The following PASD1 variants were observed in gnomAD, a reference collection of about 807,000 sequenced individuals.
The protein encoded by PASD1 is circadian clock protein PASD1.
PASD1 carries 13 observed loss-of-function variants against 58.8 expected under a neutral mutation model. That is an observed-to-expected ratio of 0.22 (90% CI 0.14 to 0.35). The LOEUF is 0.35. Among genes scored for constraint, PASD1 ranks in the 10% least tolerant of loss-of-function variants. PASD1 has a pLI of 1.00. For missense variants in PASD1, 734 were observed against 568.3 expected (o/e 1.29, Z -2.96); for synonymous variants, 236 against 216.7 (o/e 1.09, Z -0.78).
At chrX:151,663,174 C>T (rs2124310307) in intron 10 of PASD1, among the ~76,000 whole-genome samples, 1 of 111,909 alleles carries the variant, frequency 8.9e-6, no homozygotes, top group South Asian at 3.8e-4. Flanking sequence ...AGTTCCATCA[C>T]CCCCAAAATT....
chrX:151,648,800 G>A (rs2014095500), intron 9 of PASD1, 98 bp downstream of exon 9: 1 of 943,113 alleles, frequency 1.1e-6, no homozygotes, highest in Admixed American at 2.5e-5. Context: ...ATGTCATATG[G>A]ATGTGACACA....
At chrX:151,617,463 T>A (rs2013650897) in intron 4 of PASD1, among the ~76,000 whole-genome samples, 1 of 111,711 alleles carries the variant, frequency 9.0e-6, no homozygotes. Context: ...TCTTCATTTT[T>A]CAACTAATGA....
chrX:151,570,103 A>C (rs1320394972), intron 1 of PASD1, among the ~76,000 whole-genome samples: 1 of 111,626 alleles, frequency 9.0e-6, no homozygotes, highest in Non-Finnish European at 1.9e-5. Flanking sequence ...TGCAGTAGGC[A>C]GAACAGTAGG....
intron 8 of PASD1, among the ~76,000 whole-genome samples, chrX:151,643,356 A>G (rs181900266): frequency 1.8e-5 from 2 of 111,516 alleles, no homozygotes; most frequent in African/African-American, 3.3e-5. Context: ...CTACCTGGCA[A>G]AGTTGGTAAT....
At chrX:151,648,533 A>AC in intron 8 of PASD1, 82 bp from the exon 9 acceptor site, 1 of 893,459 alleles carries the variant, frequency 1.1e-6, no homozygotes, top group East Asian at 3.1e-5. Flanking sequence ...TTTTATTTGA[A>AC]CCTTTTTATT....
intron 1 of PASD1, among the ~76,000 whole-genome samples, chrX:151,589,644 T>C (rs753646336): frequency 9.0e-6 from 1 of 111,661 alleles, no homozygotes; most frequent in African/African-American, 3.3e-5. Context: ...GGACCAAAGG[T>C]CACACATCTA....
At chrX:151,630,111 C>T (rs999104200) in intron 8 of PASD1, among the ~76,000 whole-genome samples, 2 of 112,163 alleles carry the variant, frequency 1.8e-5, no homozygotes, top group African/African-American at 6.5e-5. Context: ...GATTGTTTAT[C>T]ATGTAGGAAG....
rs528264752 is a variant in PASD1 at position 151,610,768 on chromosome X, G to A, written c.118-896G>A. On this transcript the variant is annotated intron_variant, in intron 3 of 15. Coordinates refer to ENST00000370357, the MANE Select transcript of PASD1 (RefSeq NM_173493.3). ...GTTGAGGGCCACACAGGTAGTATAT[G>A]AATTCTAGCTCCAAGTTTGTGTGAA... 1.4e-4 allele frequency among the ~76,000 whole-genome samples: 16 copies of A among 111,651 alleles called. No homozygotes were observed. The South Asian group carries it at 5.7e-3, about 40-fold the overall frequency.
At chrX:151,626,106 A>G (rs2013783524) in intron 8 of PASD1, among the ~76,000 whole-genome samples, 1 of 112,226 alleles carries the variant, frequency 8.9e-6, no homozygotes, top group African/African-American at 3.2e-5. Flanking sequence ...GAGAAAACTT[A>G]ACTGACCCAG....
intron 8 of PASD1, among the ~76,000 whole-genome samples, chrX:151,628,108 C>G (rs1409146323): frequency 2.7e-5 from 3 of 111,051 alleles, no homozygotes; most frequent in African/African-American, 3.3e-5. Flanking sequence ...GATATTAGCC[C>G]TTTGTCAGAT....
At chrX:151,565,362 A>T (rs1046225402) in intron 1 of PASD1, among the ~76,000 whole-genome samples, 3 of 111,158 alleles carry the variant, frequency 2.7e-5, no homozygotes, top group Non-Finnish European at 5.7e-5. Context: ...GTCAGTACTT[A>T]CTTAGAGAGA....
At chrX:151,612,828 T>C (rs376357906) in intron 4 of PASD1, among the ~76,000 whole-genome samples, 13 of 111,928 alleles carry the variant, frequency 1.2e-4, no homozygotes, top group African/African-American at 2.9e-4. Flanking sequence ...TTAATTAGAT[T>C]CCATTTGTCA....
chrX:151,582,409 G>A (rs1161553948), intron 1 of PASD1, among the ~76,000 whole-genome samples: 1 of 111,421 alleles, frequency 9.0e-6, no homozygotes, highest in Admixed American at 9.6e-5. Flanking sequence ...AGCCTCCTGA[G>A]TAGCTGGGAC....
chrX:151,577,890 A>G (rs758700415), intron 1 of PASD1, among the ~76,000 whole-genome samples: 2 of 111,619 alleles, frequency 1.8e-5, no homozygotes, highest in East Asian at 5.6e-4. Context: ...GGGGACCTTT[A>G]TGGGAGCACT....
intron 1 of PASD1, among the ~76,000 whole-genome samples, chrX:151,599,442 G>T (rs1277329977): frequency 2.0e-4 from 21 of 106,794 alleles, no homozygotes; most frequent in Non-Finnish European, 7.8e-5. Context: ...GGCTGGCCGG[G>T]CGGGGGCTGC....
intron 2 of PASD1, among the ~76,000 whole-genome samples, chrX:151,602,361 G>A (rs915880089): frequency 5.4e-5 from 6 of 111,095 alleles, no homozygotes; most frequent in South Asian, 3.9e-4. Context: ...AACAACCATA[G>A]GGATCTTGTA....
chrX:151,605,769 T>A (rs1162159269), intron 3 of PASD1, among the ~76,000 whole-genome samples: 1 of 110,293 alleles, frequency 9.1e-6, no homozygotes, highest in Admixed American at 9.7e-5. Flanking sequence ...CAGCTCATTA[T>A]GTTTCATTAC....
At chrX:151,600,472 C>T (rs1253726084) in intron 1 of PASD1, among the ~76,000 whole-genome samples, 2 of 111,114 alleles carry the variant, frequency 1.8e-5, no homozygotes, top group Non-Finnish European at 3.8e-5. Context: ...TTTCTGGAAC[C>T]CCAAGGTTGA....
At chrX:151,667,283 C>T (rs1288437776) in intron 11 of PASD1, among the ~76,000 whole-genome samples, 12 of 111,808 alleles carry the variant, frequency 1.1e-4, no homozygotes, top group Admixed American at 3.8e-4. Flanking sequence ...GGTTATTAGC[C>T]GTTTGTCAGA....
Sources: gnomAD v4.1 joint callset for allele counts (sites outside exome capture counted in the v4.1 genomes callset) on GRCh38, gnomAD v4.1.1 for gene constraint, MANE v1.5 for transcripts, NCBI Gene and HGNC (gene_info 2026-07-23, HGNC 2026-07-21) for gene names.